KCNH5: variants seen among roughly 807,000 people sequenced by gnomAD.
The protein encoded by KCNH5 is voltage-gated delayed rectifier potassium channel KCNH5.
KCNH5 carries 46 observed loss-of-function variants against 96.1 expected under a neutral mutation model. The observed-to-expected ratio is 0.48, with a 90% CI of 0.38 to 0.61. The LOEUF is 0.61. KCNH5 is among the 20% of genes least tolerant of loss of function. KCNH5 has a pLI of 0.00. For synonymous variants in KCNH5, 439 were observed against 449.8 expected (o/e 0.98, Z 0.30); for missense variants, 907 against 1,225.8 (o/e 0.74, Z 3.88).
At chr14:62,883,577 T>C (rs566307357) in intron 7 of KCNH5, among the ~76,000 whole-genome samples, 1 of 152,210 alleles carries the variant, frequency 6.6e-6, no homozygotes, top group East Asian at 1.9e-4. Context: ...TTGAAATTCA[T>C]ATCACCTAAA....
chr14:62,953,290 C>T (rs1890041417), intron 6 of KCNH5, among the ~76,000 whole-genome samples: 1 of 152,114 alleles, frequency 6.6e-6, no homozygotes, highest in Non-Finnish European at 1.5e-5. Flanking sequence ...CTCTCAAAAT[C>T]ACTTTCCAGG....
intron 3 of KCNH5, among the ~76,000 whole-genome samples, chr14:63,003,608 T>TTATATATATATTTATATATTTATATTTA (rs1891066582): frequency 1.7e-5 from 2 of 115,482 alleles, no homozygotes; most frequent in Non-Finnish European, 3.3e-5. Flanking sequence ...ATATTTATAT[T>TTATATATATATTTATATATTTATATTTA]TATATATATA....
At chr14:62,963,415 A>T (rs1041536560) in intron 6 of KCNH5, among the ~76,000 whole-genome samples, 1 of 152,046 alleles carries the variant, frequency 6.6e-6, no homozygotes, top group Non-Finnish European at 1.5e-5. Context: ...ATTGTGAGGA[A>T]TGGGCTCAAA....
chr14:63,039,995 C>T (rs534366241), intron 1 of KCNH5, among the ~76,000 whole-genome samples: 7 of 152,162 alleles, frequency 4.6e-5, no homozygotes, highest in South Asian at 2.1e-4. Context: ...TAAATACTAA[C>T]TACAGTACTT....
intron 6 of KCNH5, among the ~76,000 whole-genome samples, chr14:62,973,644 C>T (rs1594653687): frequency 1.3e-5 from 2 of 152,170 alleles, no homozygotes; most frequent in Middle Eastern, 6.8e-3. Context: ...CATAAATGAC[C>T]CAACCTGTGG....
chr14:62,834,833 C>A (rs145419036), intron 8 of KCNH5, among the ~76,000 whole-genome samples: 1 of 152,098 alleles, frequency 6.6e-6, no homozygotes, highest in East Asian at 1.9e-4. Flanking sequence ...TGGGACACAA[C>A]AATGTTCAAT....
At chr14:63,011,206 G>C (rs577182929) in intron 2 of KCNH5, among the ~76,000 whole-genome samples, 1 of 152,146 alleles carries the variant, frequency 6.6e-6, no homozygotes, top group Non-Finnish European at 1.5e-5. Flanking sequence ...TTTTCGGCCC[G>C]GCACAGTGGC....
At chr14:63,041,009 T>A (rs1891813497) in intron 1 of KCNH5, among the ~76,000 whole-genome samples, 1 of 152,092 alleles carries the variant, frequency 6.6e-6, no homozygotes, top group Admixed American at 6.6e-5. Flanking sequence ...AACTTCCAAT[T>A]TGTCATAAAG....
chr14:62,938,287 C>T (rs1889723195), intron 7 of KCNH5, among the ~76,000 whole-genome samples: 1 of 152,138 alleles, frequency 6.6e-6, no homozygotes, highest in African/African-American at 2.4e-5. Context: ...AAATATAGTT[C>T]TCACCCCATA....
At chr14:62,868,776 A>G (rs532977983) in intron 7 of KCNH5, among the ~76,000 whole-genome samples, 4 of 152,254 alleles carry the variant, frequency 2.6e-5, no homozygotes, top group Admixed American at 1.3e-4. Context: ...TAAGAGCGAG[A>G]ACATGCAGTG....
At chr14:62,794,614 C>T (rs185156687) in intron 9 of KCNH5, among the ~76,000 whole-genome samples, 3 of 152,062 alleles carry the variant, frequency 2.0e-5, no homozygotes, top group African/African-American at 4.8e-5. Context: ...ATGAGCACTC[C>T]ATTAATAATT....
chr14:62,784,095 C>T (rs546757859), intron 9 of KCNH5, among the ~76,000 whole-genome samples: 1 of 152,238 alleles, frequency 6.6e-6, no homozygotes, highest in Admixed American at 6.5e-5. Context: ...GTTTAATTGA[C>T]TCACAGTTCT....
In KCNH5 at chr14:62,950,516, A is replaced by T; in HGVS notation, c.986T>A (p.Leu329Ter). Reference protein sequence around the residue: ...LFSSLKVVRLLRLGRVARKLD... With the variant: ...LFSSLKVVRL Reference sequence around the variant, plus strand: ...TTTCCTAGCCACACGGCCCAGTCGTAAGAGACGCACCACTTTTAAAGAACT... The same window carrying T: ...TTTCCTAGCCACACGGCCCAGTCGTTAGAGACGCACCACTTTTAAAGAACT... Residue 329 changes from leucine to a stop codon, truncating the protein, a stop_gained, in exon 7 of 11, where the codon TTA (leucine) becomes TAA (stop). Coordinates refer to ENST00000322893, the MANE Select transcript of KCNH5 (RefSeq NM_139318.5). LOFTEE classifies it high-confidence loss of function. 6.2e-7 allele frequency: 1 copy of T among 1,605,944 alleles called. No individual in the cohort carries two copies. The highest frequency in any genetic ancestry group is 8.5e-7 in the Non-Finnish European group (1 of 1,179,684).
At chr14:62,818,413 C>T (rs1156420386) in intron 8 of KCNH5, among the ~76,000 whole-genome samples, 1 of 151,992 alleles carries the variant, frequency 6.6e-6, no homozygotes, top group Admixed American at 6.6e-5. Context: ...ATAAAAATTT[C>T]GAAAGGTTCT....
At chr14:62,916,189 T>C (rs890628691) in intron 7 of KCNH5, among the ~76,000 whole-genome samples, 1 of 152,070 alleles carries the variant, frequency 6.6e-6, no homozygotes, top group African/African-American at 2.4e-5. Flanking sequence ...CCTGACCTCG[T>C]GATCTGCCTG....
At chr14:62,950,773 AATT>A (rs1272553512) in intron 6 of KCNH5, among the ~76,000 whole-genome samples, 3 of 152,208 alleles carry the variant, frequency 2.0e-5, no homozygotes, top group Non-Finnish European at 2.9e-5. Context: ...CATATTTTCA[AATT>A]ATTAGATAAA....
intron 10 of KCNH5, among the ~76,000 whole-genome samples, chr14:62,774,282 C>A (rs1325659889): frequency 6.6e-6 from 1 of 152,148 alleles, no homozygotes; most frequent in Non-Finnish European, 1.5e-5. Flanking sequence ...AAATTCCACA[C>A]TTCGGGAAGG....
chr14:62,926,215 G>A (rs1477670458), intron 7 of KCNH5, among the ~76,000 whole-genome samples: 3 of 152,094 alleles, frequency 2.0e-5, no homozygotes, highest in Non-Finnish European at 2.9e-5. Flanking sequence ...TTAGTGCTAA[G>A]ATATTTGATA....
At chr14:63,043,789 T>C (rs1378941639) in intron 1 of KCNH5, among the ~76,000 whole-genome samples, 5 of 152,224 alleles carry the variant, frequency 3.3e-5, no homozygotes, top group Non-Finnish European at 1.5e-5. Flanking sequence ...ACAAGCCTAG[T>C]CTTAAAAGAG....
Sources: gnomAD v4.1 joint callset for allele counts (sites outside exome capture counted in the v4.1 genomes callset) on GRCh38, gnomAD v4.1.1 for gene constraint, MANE v1.5 for transcripts, NCBI Gene and HGNC (gene_info 2026-07-23, HGNC 2026-07-21) for gene names.